The following MICAL3 variants were observed in gnomAD, a reference collection of about 807,000 sequenced individuals.
The protein encoded by MICAL3 is [F-actin]-monooxygenase MICAL3.
In MICAL3, 62 loss-of-function variants were observed where a neutral mutation model predicts 207.4. The ratio of observed to expected loss-of-function variants is 0.30; its 90% CI spans 0.24 to 0.37. MICAL3 has a LOEUF of 0.37. MICAL3 is among the 10% of genes least tolerant of loss of function. The pLI is 1.00. For synonymous variants in MICAL3, 1,077 were observed against 1,069.3 expected, an observed-to-expected ratio of 1.01 and a Z score of -0.14; for missense variants, 2,368 against 2,635.6, an observed-to-expected ratio of 0.90 and a Z score of 2.22.
At chr22:17,892,863 G>C (rs1193309306) in intron 11 of MICAL3, among the ~76,000 whole-genome samples, 1 of 152,250 alleles carries the variant, frequency 6.6e-6, no homozygotes, top group East Asian at 1.9e-4. Context: ...TGCCTACGCT[G>C]ATGTAGCACC....
In MICAL3 at chr22:17,818,761, G is replaced by T. The variant is rs1201657380; in HGVS notation, c.3900C>A (p.Ser1300Arg). 1.9e-6 allele frequency: 3 copies of T among 1,597,300 alleles called. No homozygotes were observed. In the African/African-American group the frequency reaches 4.0e-5, roughly 21 times the overall value. Residue 1300 changes from serine to arginine, a missense_variant, in exon 26 of 32, where the codon AGC becomes AGA. Physicochemically the swap from Ser to Arg is moderately radical, Grantham distance 110 (BLOSUM62 -1). Coordinates refer to ENST00000441493, the MANE Select transcript of MICAL3 (RefSeq NM_015241.3). ...STPLAPLPVQ[S>R]QSDTKDRLGS... Reference sequence around the variant, plus strand: ...CCAGTCTGTCCTTGGTGTCACTTTGGCTTTGGACAGGGAGAGGGGCCAGTG... The same window carrying T: ...CCAGTCTGTCCTTGGTGTCACTTTGTCTTTGGACAGGGAGAGGGGCCAGTG...
intron 1 of MICAL3, among the ~76,000 whole-genome samples, chr22:18,000,866 G>C (rs1176581303): frequency 6.6e-6 from 1 of 152,204 alleles, no homozygotes; most frequent in African/African-American, 2.4e-5. Context: ...GCGGGACGGG[G>C]AGGCCCCGAG....
At chr22:17,873,264 G>A (rs1253319631) in intron 16 of MICAL3, among the ~76,000 whole-genome samples, 2 of 152,234 alleles carry the variant, frequency 1.3e-5, no homozygotes, top group East Asian at 3.8e-4. Context: ...ACGCAGCAGT[G>A]CCCAGGCTGA....
chr22:17,965,711 G>C (rs1278682929), intron 1 of MICAL3, among the ~76,000 whole-genome samples: 1 of 152,190 alleles, frequency 6.6e-6, no homozygotes, highest in Non-Finnish European at 1.5e-5. Context: ...TGAACACTAA[G>C]TAGCCTCTCT....
Position 17,796,009 on chromosome 22 carries a change from G to T in MICAL3, c.5651-4708C>A, listed in dbSNP as rs2061872638. Among the ~76,000 whole-genome samples the T allele has an allele frequency of 6.6e-6, 1 of 152,182 alleles. No individual in the cohort carries two copies. The highest frequency in any genetic ancestry group is 6.5e-5 in the Admixed American group (1 of 15,284). ...AGATGCTGTCAAGCTTCTGGCAAAT[G>T]GAAGTTTTTTGGTTTTTCTCAACAT... On this transcript the variant is annotated intron_variant, in intron 29 of 31. Transcript: ENST00000441493. This position sits in a 1 kb window ranked among gnomAD's most constrained non-coding sequence, Gnocchi z 4.4.
rs764455637 is a variant in MICAL3, at chr22:17,893,849, C to T, written c.1505G>A (p.Ser502Asn). ...ETKDIHLEME[S>N]LVNSRTTPKL... ...GGGGGTGGTTCGGGAATTCACCAGGCTCTCCATTTCCAGGTGAATATCTTT... is the reference window on the plus strand; with the variant it reads ...GGGGGTGGTTCGGGAATTCACCAGGTTCTCCATTTCCAGGTGAATATCTTT... Residue 502 changes from serine (S) to asparagine (N), a missense_variant, in exon 11 of 32, where the codon AGC becomes AAC. By Grantham distance (46) the Ser-to-Asn change is conservative. Around this residue, in one of 4 missense-constraint regions of MICAL3, gnomAD observed 147 missense variants for 137.7 expected, o/e 1.07. Coordinates refer to ENST00000441493, the MANE Select transcript of MICAL3 (RefSeq NM_015241.3). The T allele has an allele frequency of 6.3e-7, 1 of 1,576,906 alleles. No individual in the cohort carries two copies. The highest frequency in any genetic ancestry group is 1.2e-5 in the South Asian group (1 of 85,874).
intron 28 of MICAL3, among the ~76,000 whole-genome samples, chr22:17,810,484 C>A (rs2062036172): frequency 6.6e-6 from 1 of 152,250 alleles, no homozygotes; most frequent in Non-Finnish European, 1.5e-5. Context: ...AGGCATTGAG[C>A]CACCACGCCC....
At chr22:17,930,013 A>G (rs1413908214) in intron 1 of MICAL3, among the ~76,000 whole-genome samples, 1 of 152,226 alleles carries the variant, frequency 6.6e-6, no homozygotes, top group Admixed American at 6.5e-5. Flanking sequence ...CGGGCAGAAG[A>G]TTTGATCAGG....
At chr22:17,792,454 C>T (rs1243006132) in intron 29 of MICAL3, among the ~76,000 whole-genome samples, 2 of 152,210 alleles carry the variant, frequency 1.3e-5, no homozygotes, top group Non-Finnish European at 2.9e-5. Flanking sequence ...CTCTCTGCGT[C>T]CCTTGGCAGG....
intron 1 of MICAL3, among the ~76,000 whole-genome samples, chr22:17,962,698 T>A (rs1057473882): frequency 6.6e-5 from 10 of 151,926 alleles, no homozygotes; most frequent in South Asian, 2.1e-4. Flanking sequence ...GAATAAGCAA[T>A]TTCCAAGGAC....
rs183567494 is a variant in MICAL3 at position 17,821,345 on chromosome 22, G to A, written c.3531+82C>T. Reference sequence around the variant, plus strand: ...CCAGTCTTGGTGGGACCCACACCATGGGCCCTGAAACAGAGAAGTTAATAT... The same window carrying A: ...CCAGTCTTGGTGGGACCCACACCATAGGCCCTGAAACAGAGAAGTTAATAT... On this transcript the variant is annotated intron_variant, in intron 25 of 31. Transcript: ENST00000441493. 8.4e-4 allele frequency: 1,060 copies of A among 1,257,192 alleles called. 13 individuals carry two copies. In the Admixed American group the frequency reaches 0.019, roughly 23 times the overall value. 77.9% of individuals were successfully genotyped at this position (1,257,192 alleles called of 1,614,324 possible). A position where few individuals can be genotyped will look rare whatever the true frequency, so the allele number is the denominator to read the frequency against.
intron 29 of MICAL3, among the ~76,000 whole-genome samples, chr22:17,803,051 C>G (rs573990733): frequency 6.6e-6 from 1 of 152,334 alleles, no homozygotes; most frequent in African/African-American, 2.4e-5. Flanking sequence ...ACTGGAAGGT[C>G]TGTTACAGCA....
intron 2 of MICAL3, 114 bp from the exon 3 acceptor site, chr22:17,904,953 C>T: frequency 1.3e-6 from 1 of 781,914 alleles, no homozygotes; most frequent in Admixed American, 2.2e-5. Context: ...GCTATTCTCC[C>T]CACTGCCAAG....
At chr22:17,972,091 A>G (rs766433133) in intron 1 of MICAL3, among the ~76,000 whole-genome samples, 1 of 152,244 alleles carries the variant, frequency 6.6e-6, no homozygotes, top group East Asian at 1.9e-4. Flanking sequence ...CAAGGCAAAC[A>G]CTAAGAACAC....
At chr22:17,991,797 C>A (rs1220512967) in intron 1 of MICAL3, among the ~76,000 whole-genome samples, 1 of 152,172 alleles carries the variant, frequency 6.6e-6, no homozygotes, top group Non-Finnish European at 1.5e-5. Context: ...CCTTTTCCCA[C>A]AACACGTCAG....
chr22:17,864,337 G>T, intron 19 of MICAL3: 2 of 1,222,708 alleles, frequency 1.6e-6, no homozygotes, highest in Non-Finnish European at 2.1e-6. Context: ...TCACGGTGCA[G>T]GGCAGACAGG....
intron 19 of MICAL3, among the ~76,000 whole-genome samples, chr22:17,852,791 A>G (rs1250468975): frequency 1.3e-5 from 2 of 152,044 alleles, no homozygotes; most frequent in African/African-American, 4.8e-5. Flanking sequence ...AGCTTAATGA[A>G]GGCCGGGGCT....
At chr22:17,961,400 C>G (rs948612018) in intron 1 of MICAL3, among the ~76,000 whole-genome samples, 1 of 152,154 alleles carries the variant, frequency 6.6e-6, no homozygotes, top group Admixed American at 6.5e-5. Flanking sequence ...ACTGGGGGAG[C>G]GTCAGCCCCG....
intron 17 of MICAL3, among the ~76,000 whole-genome samples, chr22:17,867,441 T>C (rs892825600): frequency 6.6e-6 from 1 of 152,208 alleles, no homozygotes; most frequent in Non-Finnish European, 1.5e-5. Flanking sequence ...TGGCCACCAA[T>C]AATTAGGATA....
Sources: allele counts gnomAD v4.1 joint callset (sites outside exome capture counted in the v4.1 genomes callset), GRCh38; gene constraint gnomAD v4.1.1; regional missense constraint gnomAD v4.1.1; non-coding constraint Gnocchi (gnomAD v3.1); transcripts MANE v1.5; gene names NCBI Gene and HGNC (gene_info 2026-07-23, HGNC 2026-07-21).